IMMP2L: variants seen among roughly 807,000 people sequenced by gnomAD.
IMMP2L encodes the protein mitochondrial inner membrane protease subunit 2.
In IMMP2L, 18 loss-of-function variants were observed where a neutral mutation model predicts 19.3. That is an observed-to-expected ratio of 0.93 (90% CI 0.64 to 1.38). IMMP2L has a LOEUF of 1.38. IMMP2L is among the 40% of genes most tolerant of loss of function. The pLI is 0.00. For synonymous variants in IMMP2L, 76 were observed against 73.0 expected, an observed-to-expected ratio of 1.04 and a Z score of -0.21; for missense variants, 233 against 218.2, an observed-to-expected ratio of 1.07 and a Z score of -0.43.
intron 3 of IMMP2L, among the ~76,000 whole-genome samples, chr7:111,199,014 TG>T (rs1192921188): frequency 6.6e-6 from 1 of 152,172 alleles, no homozygotes; most frequent in Non-Finnish European, 1.5e-5. Flanking sequence ...TAAATTCCAC[TG>T]AACTTGATAG....
chr7:110,876,577 T>G (rs1809089316), intron 5 of IMMP2L, among the ~76,000 whole-genome samples: 1 of 152,140 alleles, frequency 6.6e-6, no homozygotes, highest in Non-Finnish European at 1.5e-5. Flanking sequence ...CTGGTGAATT[T>G]CTCTGACAGA....
intron 1 of IMMP2L, among the ~76,000 whole-genome samples, chr7:111,533,874 A>G (rs17158599): frequency 6.6e-6 from 1 of 151,992 alleles, no homozygotes; most frequent in East Asian, 1.9e-4. Flanking sequence ...AAATCAAAAC[A>G]TACCATAAAT....
At chr7:111,162,258 T>C (rs112924342) in intron 3 of IMMP2L, among the ~76,000 whole-genome samples, 46 of 152,174 alleles carry the variant, frequency 3.0e-4, no homozygotes, top group African/African-American at 1.1e-3. Flanking sequence ...TTTTAAAATG[T>C]CCAAGACATG....
intron 3 of IMMP2L, among the ~76,000 whole-genome samples, chr7:111,322,426 A>G (rs1483565740): frequency 6.6e-6 from 1 of 151,932 alleles, no homozygotes; most frequent in East Asian, 1.9e-4. Context: ...ACTGAATTGT[A>G]CAGACAGAAC....
intron 3 of IMMP2L, among the ~76,000 whole-genome samples, chr7:111,063,434 T>C (rs1794208205): frequency 6.6e-6 from 1 of 152,178 alleles, no homozygotes; most frequent in South Asian, 2.1e-4. Context: ...TGAAGACTTC[T>C]GACATGCCCT....
chr7:111,524,546 C>T (rs1449518041), intron 1 of IMMP2L, among the ~76,000 whole-genome samples: 1 of 152,114 alleles, frequency 6.6e-6, no homozygotes, highest in Non-Finnish European at 1.5e-5. Flanking sequence ...AAGATCCCCA[C>T]TCCGACTCAG....
chr7:110,994,315 A>G (rs879303704), intron 3 of IMMP2L, among the ~76,000 whole-genome samples: 1 of 152,078 alleles, frequency 6.6e-6, no homozygotes, highest in Non-Finnish European at 1.5e-5. Context: ...AAGCCTAGAT[A>G]CAAAATCAGA....
intron 3 of IMMP2L, among the ~76,000 whole-genome samples, chr7:111,291,188 T>TG (rs1821065790): frequency 6.6e-6 from 1 of 152,110 alleles, no homozygotes; most frequent in Non-Finnish European, 1.5e-5. Flanking sequence ...TCTTGCAATT[T>TG]GGGGTGATTC....
chr7:111,044,558 C>T (rs1207510738), intron 3 of IMMP2L, among the ~76,000 whole-genome samples: 3 of 151,910 alleles, frequency 2.0e-5, no homozygotes, highest in Non-Finnish European at 4.4e-5. Context: ...CGAAACTCTG[C>T]CTCAAAAAAA....
At chr7:111,461,654 C>T (rs77867494) in intron 3 of IMMP2L, among the ~76,000 whole-genome samples, 3,054 of 152,166 alleles carry the variant, frequency 0.02, 103 homozygotes, top group African/African-American at 0.07. Flanking sequence ...TGAGTTTTCA[C>T]TTTATTCTGG....
intron 3 of IMMP2L, among the ~76,000 whole-genome samples, chr7:111,441,578 A>C (rs1837722967): frequency 6.6e-6 from 1 of 151,760 alleles, no homozygotes; most frequent in Non-Finnish European, 1.5e-5. Context: ...TATGATAATC[A>C]TAGCAGATAT....
At chr7:111,261,229 T>C (rs932171274) in intron 3 of IMMP2L, among the ~76,000 whole-genome samples, 1 of 152,194 alleles carries the variant, frequency 6.6e-6, no homozygotes, top group African/African-American at 2.4e-5. Context: ...TCATCATAGT[T>C]TAGCTCTCTG....
At chr7:111,095,376 G>A (rs1367947819) in intron 3 of IMMP2L, among the ~76,000 whole-genome samples, 1 of 151,344 alleles carries the variant, frequency 6.6e-6, no homozygotes, top group Non-Finnish European at 1.5e-5. Context: ...CTGCCTCCTT[G>A]GTCTTTCAAA....
At chr7:111,450,341 T>C (rs1442248388) in intron 3 of IMMP2L, among the ~76,000 whole-genome samples, 1 of 151,946 alleles carries the variant, frequency 6.6e-6, no homozygotes, top group Non-Finnish European at 1.5e-5. Context: ...CAAAACAGCA[T>C]GGTACTGGTA....
intron 2 of IMMP2L, among the ~76,000 whole-genome samples, chr7:111,519,642 G>A (rs1246470998): frequency 1.3e-5 from 2 of 152,052 alleles, no homozygotes; most frequent in African/African-American, 4.8e-5. Context: ...GGTCTTGTGA[G>A]CAAGACCTGT....
chr7:110,686,942 C>T (rs1407023655), intron 5 of IMMP2L, among the ~76,000 whole-genome samples: 3 of 152,078 alleles, frequency 2.0e-5, no homozygotes, highest in Non-Finnish European at 4.4e-5. Flanking sequence ...AGAAAAGACG[C>T]ATAGCCTGGC....
intron 2 of IMMP2L, among the ~76,000 whole-genome samples, chr7:111,506,893 A>G (rs1327656376): frequency 6.6e-6 from 1 of 151,966 alleles, no homozygotes; most frequent in African/African-American, 2.4e-5. Flanking sequence ...CCAGGCTGAA[A>G]TGCAGTGGCA....
chr7:111,197,776 C>T (rs1311174257), intron 3 of IMMP2L, among the ~76,000 whole-genome samples: 3 of 152,148 alleles, frequency 2.0e-5, no homozygotes, highest in Admixed American at 6.5e-5. Flanking sequence ...CCATCTAATT[C>T]TAAAGACTAA....
At chr7:111,529,399 A>T (rs1324302347) in intron 1 of IMMP2L, among the ~76,000 whole-genome samples, 2 of 152,160 alleles carry the variant, frequency 1.3e-5, no homozygotes, top group African/African-American at 4.8e-5. Context: ...AATTTAAAAA[A>T]TTTTTTCAGG....
Sources: gnomAD v4.1 joint callset for allele counts (sites outside exome capture counted in the v4.1 genomes callset) on GRCh38, gnomAD v4.1.1 for gene constraint, MANE v1.5 for transcripts, NCBI Gene and HGNC (gene_info 2026-07-23, HGNC 2026-07-21) for gene names.